SLC1A6: variants seen among roughly 807,000 people sequenced by gnomAD.
SLC1A6 encodes excitatory amino acid transporter 4.
Under a neutral mutation model 42.1 loss-of-function variants are expected in SLC1A6, and 15 were observed. That is an observed-to-expected ratio of 0.36 (90% CI 0.24 to 0.55). The LOEUF is 0.55. SLC1A6 is among the 20% of genes least tolerant of loss of function. SLC1A6 has a pLI of 0.88. For synonymous variants in SLC1A6, 317 were observed against 319.7 expected, an observed-to-expected ratio of 0.99 and a Z score of 0.09; for missense variants, 542 against 772.5, an observed-to-expected ratio of 0.70 and a Z score of 3.54.
intron 1 of SLC1A6, among the ~76,000 whole-genome samples, chr19:15,001,825 C>T (rs534275804): frequency 9.9e-5 from 15 of 152,054 alleles, no homozygotes; most frequent in Non-Finnish European, 2.2e-4. Flanking sequence ...TAATGCCCTG[C>T]TAATTTTTCC....
intron 1 of SLC1A6, chr19:14,975,420 A>G (rs1211695007): frequency 6.6e-6 from 1 of 152,132 alleles, no homozygotes; most frequent in Non-Finnish European, 1.5e-5. Flanking sequence ...ATCAATATGT[A>G]CAAGTATTTT....
chr19:14,981,190 G>A (rs555100790), upstream of SLC1A6, among the ~76,000 whole-genome samples: 41 of 152,014 alleles, frequency 2.7e-4, no homozygotes, highest in African/African-American at 9.9e-4. Context: ...TTACTCAGGA[G>A]GCTGAGGCAG....
In SLC1A6 at chr19:14,962,246, C is replaced by T. The variant is rs777959263; in HGVS notation, c.691G>A (p.Glu231Lys). ...TTTTCCAGGAAGCTGGTTCCGTTCT[C>T]CACTGAGAATGGAGGAGGCATGGAG... The part of the protein sequence containing the change: ...GASMPPPFSV[E>K]NGTSFLENVT... The change falls in exon 6 of 10, where the codon GAG (glutamate) becomes AAG (lysine). Residue 231 changes from glutamate to lysine, a missense_variant. This residue lies in a region of SLC1A6 where 298 missense variants were observed against 419.4 expected (regional missense o/e 0.71). Transcript: ENST00000594383. 4 of 1,614,058 alleles carry T rather than the reference C, an allele frequency of 2.5e-6. No individual in the cohort carries two copies. Among genetic ancestry groups the T allele is most frequent in the African/African-American group, 2.7e-5 (2 of 74,914 alleles).
chr19:14,992,152 GC>G (rs1306651431), intron 1 of SLC1A6, among the ~76,000 whole-genome samples: 1 of 152,182 alleles, frequency 6.6e-6, no homozygotes. Flanking sequence ...CTCCTGTGTG[GC>G]TCAGTTCAGC....
chr19:14,964,108 C>G (rs1415484792), intron 5 of SLC1A6: 1 of 535,720 alleles, frequency 1.9e-6, no homozygotes, highest in Non-Finnish European at 3.4e-6. Context: ...GGATTACAAG[C>G]CTGATCCACC....
chr19:14,963,533 CA>C (rs1415791040), intron 5 of SLC1A6, among the ~76,000 whole-genome samples: 1 of 152,188 alleles, frequency 6.6e-6, no homozygotes, highest in East Asian at 1.9e-4. Context: ...ACAATGCAGA[CA>C]TATTTCAAAA....
intron 6 of SLC1A6, among the ~76,000 whole-genome samples, chr19:14,960,342 T>A (rs1019441450): frequency 3.9e-5 from 6 of 152,194 alleles, no homozygotes; most frequent in Non-Finnish European, 8.8e-5. Context: ...AATAAACAGA[T>A]GAATCCATCA....
chr19:14,987,604 C>T (rs958214152), intron 1 of SLC1A6, among the ~76,000 whole-genome samples: 1 of 152,026 alleles, frequency 6.6e-6, no homozygotes, highest in African/African-American at 2.4e-5. Flanking sequence ...TGAGCAAAGA[C>T]GCAAAGCAGA....
At chr19:14,965,371 C>G (rs2045562330) in intron 4 of SLC1A6, among the ~76,000 whole-genome samples, 1 of 152,124 alleles carries the variant, frequency 6.6e-6, no homozygotes, top group African/African-American at 2.4e-5. Flanking sequence ...CTAGCAATCC[C>G]ACTACTGGGT....
rs1248878865 is a variant in SLC1A6 at position 14,996,562 on chromosome 19, T to TTCTTCTTCTTCTTCTTCTTCTTCC, written c.6+13922_6+13923insGGAAGAAGAAGAAGAAGAAGAAGA. ...CTTCTTCTTCTTCTTCTTCTTCTTG[T>TTCTTCTTCTTCTTCTTCTTCTTCC]TCTTCTTCCTCTTCTTCTTCTTCCT... On this transcript the variant is annotated intron_variant, in intron 1 of 8. Transcript: ENST00000430939. Among the ~76,000 whole-genome samples the TTCTTCTTCTTCTTCTTCTTCTTCC allele has an allele frequency of 5.1e-5, 7 of 136,944 alleles. No individual in the cohort carries two copies. The East Asian group carries it at 8.1e-4, about 16-fold the overall frequency. The allele number at this position is 136,944 out of a possible 152,430, so 89.8% of individuals were successfully genotyped here. A position where few individuals can be genotyped will look rare whatever the true frequency, so the allele number is the denominator to read the frequency against.
chr19:14,980,654 CA>C (rs35361239), upstream of SLC1A6, among the ~76,000 whole-genome samples: 24,873 of 125,300 alleles, frequency 0.2, 2,433 homozygotes, highest in East Asian at 0.32. Context: ...GAGACTCCGT[CA>C]AAAAAAAAAA....
At chr19:14,987,296 G>A (rs1347211354) in intron 1 of SLC1A6, among the ~76,000 whole-genome samples, 3 of 151,808 alleles carry the variant, frequency 2.0e-5, no homozygotes, top group South Asian at 2.1e-4. Flanking sequence ...GCGAAATACC[G>A]TCTCTACTGA....
chr19:14,954,205 C>T lies in SLC1A6; in HGVS notation c.1294G>A (p.Ala432Thr). ...VNMDGTALYE[A>T]LAAIFIAQVN... ...TGAGCAATGAAGATGGCAGCCAGGG[C>T]CTCGTAGAGGGCAGTGCCATCCATG... The change falls in exon 8 of 10, where the codon GCC (alanine) becomes ACC (threonine). Residue 432 changes from alanine to threonine, a missense_variant. Coordinates refer to ENST00000594383, the MANE Select transcript of SLC1A6 (RefSeq NM_005071.3). 1 of 1,614,074 alleles carries T rather than the reference C, an allele frequency of 6.2e-7. No homozygotes were observed. The highest frequency in any genetic ancestry group is 8.5e-7 in the Non-Finnish European group (1 of 1,179,984).
chr19:14,965,917 G>C (rs1411616650), intron 4 of SLC1A6, among the ~76,000 whole-genome samples: 1 of 151,674 alleles, frequency 6.6e-6, no homozygotes, highest in East Asian at 1.9e-4. Flanking sequence ...ATTATTCTAA[G>C]TGAAGTAATT....
upstream of SLC1A6, among the ~76,000 whole-genome samples, chr19:14,982,025 T>A (rs928121646): frequency 1.3e-5 from 2 of 151,326 alleles, no homozygotes; most frequent in Non-Finnish European, 2.9e-5. Flanking sequence ...GCCACAGCAC[T>A]CCAGCCTGGG....
At chr19:14,951,880 T>C (rs1001602861) in intron 9 of SLC1A6, among the ~76,000 whole-genome samples, 1 of 151,980 alleles carries the variant, frequency 6.6e-6, no homozygotes, top group Non-Finnish European at 1.5e-5. Flanking sequence ...AGTCATGTGA[T>C]CTTGACTCAC....
intron 1 of SLC1A6, among the ~76,000 whole-genome samples, chr19:15,008,418 G>T (rs1028939847): frequency 2.6e-5 from 4 of 151,978 alleles, no homozygotes; most frequent in African/African-American, 9.7e-5. Context: ...AACAGAGGTT[G>T]GCAAGGATGC....
At position 14,971,747 on chromosome 19, in the gene SLC1A6, G is replaced by C; in HGVS notation, c.333C>G (p.Ser111Arg). The stretch of plus-strand genomic sequence containing the variant: ...CCTGGGCTCTCTCACCTGTGACCAG[G>C]CTGGAGACAATGAGAGGTAACACCA... The part of the protein sequence containing the change: ...QMLVLPLIVS[S>R]LVTGMASLDN... Residue 111 changes from serine to arginine, a missense_variant, in exon 3 of 10, where the codon AGC becomes AGG. Ser to Arg is a moderately radical substitution (Grantham distance 110, BLOSUM62 -1). Around this residue, in one of 6 missense-constraint regions of SLC1A6, gnomAD observed 298 missense variants for 419.4 expected, o/e 0.71. Transcript: ENST00000594383. 1 of 1,614,028 alleles carries C rather than the reference G, an allele frequency of 6.2e-7. No homozygotes were observed. Among genetic ancestry groups the C allele is most frequent in the Non-Finnish European group, 8.5e-7 (1 of 1,179,982 alleles).
At position 14,979,699 on chromosome 19, in the gene SLC1A6, G is replaced by C. The variant is rs944792914; in HGVS notation, c.-398C>G. ...GGAGCCGGGACGCGCTATGCTGCGG[G>C]AGGGATCCGGGCCGGCCCTGCGCTC... On this transcript the variant is annotated 5_prime_UTR_variant, in exon 1 of 10. Coordinates refer to ENST00000594383, the MANE Select transcript of SLC1A6 (RefSeq NM_005071.3). The surrounding 1 kb of genome is among the most constrained non-coding windows in gnomAD (Gnocchi z 4.2). 6.6e-6 allele frequency: 1 copy of C among 151,512 alleles called. No homozygotes were observed. Among genetic ancestry groups the C allele is most frequent in the Non-Finnish European group, 1.5e-5 (1 of 68,070 alleles). The allele number at this position is 151,512 out of a possible 1,614,324, so 9.4% of individuals were successfully genotyped here. A position where few individuals can be genotyped will look rare whatever the true frequency, so the allele number is the denominator to read the frequency against.
Sources: gnomAD v4.1 joint callset for allele counts (sites outside exome capture counted in the v4.1 genomes callset) on GRCh38, gnomAD v4.1.1 for gene constraint, gnomAD v4.1.1 regional missense constraint, Gnocchi (gnomAD v3.1) non-coding constraint, MANE v1.5 for transcripts, NCBI Gene and HGNC (gene_info 2026-07-23, HGNC 2026-07-21) for gene names.